SCLY: variants seen among roughly 807,000 people sequenced by gnomAD.
SCLY encodes putative selenocysteine lyase.
In SCLY, 38 loss-of-function variants were observed where a neutral mutation model predicts 50.1. That is an observed-to-expected ratio of 0.76 (90% CI 0.59 to 0.99). The LOEUF (loss-of-function observed/expected upper bound fraction) is 0.99, where lower values mean the gene tolerates loss of function less well. SCLY is among the 50% of genes least tolerant of loss of function. The probability of loss-of-function intolerance (pLI) is 0.00; values close to 1 mark genes in which losing one functional copy is unlikely to be tolerated. For missense variants in SCLY, 600 were observed against 620.0 expected, an observed-to-expected ratio of 0.97 and a Z score of 0.34; for synonymous variants, 243 against 249.4, an observed-to-expected ratio of 0.97 and a Z score of 0.24.
At chr2:238,073,737 C>G (rs989663007) in intron 4 of SCLY, 1 of 467,572 alleles carries the variant, frequency 2.1e-6, no homozygotes, top group Non-Finnish European at 4.4e-6. Context: ...TCTCTACTGT[C>G]TCTGTGACAT....
intron 3 of SCLY, among the ~76,000 whole-genome samples, chr2:238,068,869 C>T (rs1341572338): frequency 6.6e-6 from 1 of 152,152 alleles, no homozygotes; most frequent in Non-Finnish European, 1.5e-5. Flanking sequence ...AGTCCAAGAA[C>T]TAGAATTGCT....
At chr2:238,094,018 T>A in intron 9 of SCLY, 74 bp downstream of exon 9, 7 of 1,320,828 alleles carry the variant, frequency 5.3e-6, no homozygotes, top group Non-Finnish European at 5.4e-6. Context: ...AGGGGTGTGG[T>A]GCTCCCAGAC....
chr2:238,096,555 C>T (rs1024578617), intron 10 of SCLY, among the ~76,000 whole-genome samples: 5 of 152,196 alleles, frequency 3.3e-5, no homozygotes, highest in African/African-American at 4.8e-5. Flanking sequence ...ATTACAAATG[C>T]GATTTTCAAG....
chr2:238,098,591 A>AACGCCCACATAGGACCGCCCACATG lies in SCLY; in HGVS notation c.*236_*237insACGCCCACATAGGACCGCCCACATG. On this transcript the variant is annotated 3_prime_UTR_variant, in exon 12 of 12. Coordinates refer to ENST00000254663, the MANE Select transcript of SCLY (RefSeq NM_016510.7). ...ACTGCCCACATGGGACCGCCCACAT[A>AACGCCCACATAGGACCGCCCACATG]GGACCGCCCACATAGGACCGCCCAC... 3.3e-6 allele frequency: 1 copy of AACGCCCACATAGGACCGCCCACATG among 305,302 alleles called. No homozygotes were observed. The highest frequency in any genetic ancestry group is 4.1e-5 in the African/African-American group (1 of 24,618). The allele number at this position is 305,302 out of a possible 1,614,324, so 18.9% of individuals were successfully genotyped here.
intron 4 of SCLY, 29 bp from the exon 5 acceptor site, chr2:238,081,680 T>A: frequency 6.2e-7 from 1 of 1,604,996 alleles, no homozygotes; most frequent in Non-Finnish European, 8.5e-7. Context: ...TTTGTGCAGC[T>A]CAGTTCGGTA....
At chr2:238,094,057 C>G in intron 9 of SCLY, 113 bp downstream of exon 9, 1 of 929,442 alleles carries the variant, frequency 1.1e-6, no homozygotes, top group Non-Finnish European at 1.7e-6. Flanking sequence ...TGCAGCGTAG[C>G]CTGGAACTCA....
chr2:238,081,799 C>T lies in SCLY; in HGVS notation c.575C>T (p.Thr192Ile), dbSNP rs1358886220. Residue 192 changes from threonine to isoleucine, a missense_variant, in exon 5 of 12, where the codon ACC (threonine) becomes ATC (isoleucine). Thr to Ile is a moderately conservative substitution (Grantham distance 89, BLOSUM62 -1). Coordinates refer to ENST00000254663, the MANE Select transcript of SCLY (RefSeq NM_016510.7). Reference protein sequence around the residue: ...AAVRPTTRLVTIMLANNETGI... With the variant: ...AAVRPTTRLVIIMLANNETGI... ...GTCCGCCCGACCACACGCCTCGTGA[C>T]CATCATGCTGGCCAACAATGAGACT... is the stretch of plus-strand genomic sequence containing the variant. The T allele has an allele frequency of 6.2e-7, 1 of 1,614,168 alleles. No individual in the cohort carries two copies. The highest frequency in any genetic ancestry group is 1.1e-5 in the South Asian group (1 of 91,078).
intron 7 of SCLY, among the ~76,000 whole-genome samples, chr2:238,085,005 A>G (rs1006866758): frequency 6.6e-6 from 1 of 152,060 alleles, no homozygotes; most frequent in Non-Finnish European, 1.5e-5. Flanking sequence ...AAACAGAAAG[A>G]TTGAATAAGA....
rs1246864905 is a variant in SCLY at position 238,083,324 on chromosome 2, G to C, written c.854G>C (p.Gly285Ala). ...EFTPLYPMLFGGGQERNFRPG... is the reference protein window; with the variant it reads ...EFTPLYPMLFAGGQERNFRPG... The stretch of plus-strand genomic sequence containing the variant: ...ACCCCTCTCTACCCTATGCTATTTG[G>C]AGGTGGACAAGAACGGAATTTCAGG... Residue 285 changes from glycine (G) to alanine (A), a missense_variant, in exon 7 of 12, where the codon GGA (glycine) becomes GCA (alanine). By Grantham distance (60) the Gly-to-Ala change is moderately conservative. Transcript: ENST00000254663. The surrounding 1 kb of genome is among the most constrained non-coding windows in gnomAD (Gnocchi z 4.3). The C allele has an allele frequency of 1.9e-6, 3 of 1,613,658 alleles. No individual in the cohort carries two copies. The South Asian group carries it at 3.3e-5, about 18-fold the overall frequency.
chr2:238,064,752 A>ACG lies in SCLY; in HGVS notation c.202+283_202+284insCG. Reference sequence around the variant, plus strand: ...GTGTCTACTGAGAGTTCCTTGAAGTAGCAGTCAGTACCTGTGGAGCACTTC... The same window carrying ACG: ...GTGTCTACTGAGAGTTCCTTGAAGTACGGCAGTCAGTACCTGTGGAGCACTTC... On this transcript the variant is annotated intron_variant, in intron 2 of 11. Transcript: ENST00000254663. The ACG allele has an allele frequency of 1.3e-5, 3 of 230,168 alleles. No individual in the cohort carries two copies. In the South Asian group the frequency reaches 2.1e-4, roughly 16 times the overall value. 14.3% of individuals were successfully genotyped at this position (230,168 alleles called of 1,614,324 possible).
intron 4 of SCLY, chr2:238,080,713 T>C (rs2065228142): frequency 6.6e-6 from 1 of 152,256 alleles, no homozygotes; most frequent in Admixed American, 6.5e-5. Context: ...GCTGTCTCAG[T>C]CTGAGGTCAG....
rs775107723 is a variant in SCLY at position 238,091,298 on chromosome 2, A to T, written c.921+44A>T. 5 of 1,546,354 alleles carry T rather than the reference A, an allele frequency of 3.2e-6. No homozygotes were observed. The East Asian group carries it at 1.1e-4, about 35-fold the overall frequency. ...GAGGAGATGAGTTGATTGCTTTGTCATCAGTGTCCCCAGCGGCTCTAGTAG... is the reference window on the plus strand; with the variant it reads ...GAGGAGATGAGTTGATTGCTTTGTCTTCAGTGTCCCCAGCGGCTCTAGTAG... On this transcript the variant is annotated intron_variant, in intron 8 of 11. Transcript: ENST00000254663.
chr2:238,099,207 T>G lies in SCLY; in HGVS notation c.*852T>G, dbSNP rs1235008490. ...GGAATCGGATCATCCCTGACTCAGCTTTTACCTTAATTTTATTTGCAGAGG... is the reference window on the plus strand; with the variant it reads ...GGAATCGGATCATCCCTGACTCAGCGTTTACCTTAATTTTATTTGCAGAGG... On this transcript the variant is annotated 3_prime_UTR_variant, in exon 12 of 12. Coordinates refer to ENST00000254663, the MANE Select transcript of SCLY (RefSeq NM_016510.7). The G allele has an allele frequency of 4.2e-6, 2 of 471,004 alleles. No individual in the cohort carries two copies. Among genetic ancestry groups the G allele is most frequent in the African/African-American group, 4.0e-5 (2 of 50,054 alleles). The allele number at this position is 471,004 out of a possible 1,614,324, so 29.2% of individuals were successfully genotyped here.
intron 8 of SCLY, chr2:238,091,521 AGAGG>A: frequency 2.3e-6 from 1 of 437,154 alleles, no homozygotes; most frequent in Non-Finnish European, 4.2e-6. Context: ...CTGTTACAGC[AGAGG>A]TGAAGTGTCA....
chr2:238,089,607 G>A (rs992425703), intron 7 of SCLY, among the ~76,000 whole-genome samples: 1 of 150,792 alleles, frequency 6.6e-6, no homozygotes, highest in Non-Finnish European at 1.5e-5. Context: ...CAACACAAAT[G>A]CATAAACTTT....
intron 7 of SCLY, among the ~76,000 whole-genome samples, chr2:238,086,934 G>A (rs1240245074): frequency 6.6e-6 from 1 of 150,998 alleles, no homozygotes; most frequent in Admixed American, 6.6e-5. Context: ...CAGGAGAATC[G>A]CTTGAACCCG....
Position 238,082,185 on chromosome 2 carries a change from C to T in SCLY, c.753C>T (p.Asp251=). 6.2e-7 allele frequency: 1 copy of T among 1,610,406 alleles called. No homozygotes were observed. The highest frequency in any genetic ancestry group is 2.2e-5 in the East Asian group (1 of 44,802). Residue 251 remains aspartate, a synonymous_variant, in exon 6 of 12, where the codon GAC becomes GAT. Transcript: ENST00000254663. ...QRVDVEDLGV[D]FLTIVGHKFY... ...TGGATGTGGAGGACCTGGGCGTGGA[C>T]TTCCTTACAATCGTGGGGCACAAGG...
intron 9 of SCLY, 47 bp from the exon 10 acceptor site, chr2:238,094,373 G>A: frequency 6.9e-7 from 1 of 1,448,956 alleles, no homozygotes; most frequent in Non-Finnish European, 9.7e-7. Context: ...GTTGCTGGTG[G>A]TGGTGTCTTT....
chr2:238,082,021 T>C (rs1468543338), intron 5 of SCLY, 24 bp from the exon 6 acceptor site: 2 of 1,605,760 alleles, frequency 1.2e-6, no homozygotes, highest in South Asian at 2.2e-5. Flanking sequence ...AGCAACATAC[T>C]CAACTGTTTC....
Sources: gnomAD v4.1 joint callset for allele counts (sites outside exome capture counted in the v4.1 genomes callset) on GRCh38, gnomAD v4.1.1 for gene constraint, Gnocchi (gnomAD v3.1) non-coding constraint, MANE v1.5 for transcripts, NCBI Gene and HGNC (gene_info 2026-07-23, HGNC 2026-07-21) for gene names.